KCNT2: variants seen among roughly 807,000 people sequenced by gnomAD.
The protein encoded by KCNT2 is potassium sodium-activated channel subfamily T member 2, also known as potassium channel subfamily T member 2.
In KCNT2, 67 loss-of-function variants were observed where a neutral mutation model predicts 153.8. The observed-to-expected ratio is 0.44, with a 90% CI of 0.36 to 0.53. The LOEUF (loss-of-function observed/expected upper bound fraction) is 0.53, where lower values mean the gene tolerates loss of function less well. Among genes scored for constraint, KCNT2 ranks in the 20% least tolerant of loss-of-function variants. The probability of loss-of-function intolerance (pLI) is 0.00; values close to 1 mark genes in which losing one functional copy is unlikely to be tolerated. For missense variants in KCNT2, 975 were observed against 1,354.8 expected (o/e 0.72, Z 4.40); for synonymous variants, 500 against 458.8 (o/e 1.09, Z -1.15).
chr1:196,344,070 G>C (rs1186628546), intron 14 of KCNT2, among the ~76,000 whole-genome samples: 1 of 152,122 alleles, frequency 6.6e-6, no homozygotes, highest in South Asian at 2.1e-4. Flanking sequence ...GTGAGCCACC[G>C]CCCCTGGCCA....
At chr1:196,400,133 T>A (rs1470174231) in intron 12 of KCNT2, among the ~76,000 whole-genome samples, 1 of 151,762 alleles carries the variant, frequency 6.6e-6, no homozygotes, top group Non-Finnish European at 1.5e-5. Context: ...ATGAGCCCAA[T>A]AATTCTACTA....
chr1:196,498,125 G>A (rs1172441913), intron 1 of KCNT2, among the ~76,000 whole-genome samples: 3 of 151,802 alleles, frequency 2.0e-5, no homozygotes, highest in East Asian at 1.9e-4. Flanking sequence ...TGAGTTCAAT[G>A]TAAAATTTAC....
At chr1:196,297,928 C>A (rs1282610599) in intron 22 of KCNT2, among the ~76,000 whole-genome samples, 2 of 152,114 alleles carry the variant, frequency 1.3e-5, no homozygotes, top group Non-Finnish European at 2.9e-5. Context: ...TTCAGCAAGG[C>A]ATTTGGCTCG....
intron 1 of KCNT2, among the ~76,000 whole-genome samples, chr1:196,607,081 T>C (rs1665400026): frequency 6.6e-6 from 1 of 152,126 alleles, no homozygotes. Context: ...TAATTGATGC[T>C]CAAGATAAAA....
At chr1:196,505,516 G>A (rs9730088) in intron 1 of KCNT2, among the ~76,000 whole-genome samples, 138,728 of 144,100 alleles carry the variant, frequency 0.96, 66,969 homozygotes, top group East Asian at 1. Flanking sequence ...GTCAGGTAGT[G>A]TGATGCCTCC....
intron 12 of KCNT2, among the ~76,000 whole-genome samples, chr1:196,422,802 T>C (rs1345535715): frequency 3.3e-5 from 5 of 151,966 alleles, no homozygotes; most frequent in Non-Finnish European, 7.4e-5. Flanking sequence ...CAGTTCTGTT[T>C]ATATATGATT....
In KCNT2 at chr1:196,608,258, G is replaced by T; in HGVS notation, c.52C>A (p.Arg18=). The change falls in exon 1 of 28, where the codon CGA becomes AGA. Residue 18 remains arginine (R), a synonymous_variant. Coordinates refer to ENST00000294725, the MANE Select transcript of KCNT2 (RefSeq NM_198503.5). ...CCTTGGTCCCCTAGCAGCAAATCTC[G>T]AAACCTGTACCTGGGAGGCAGAGGG... ...VPPLPPRYRF[R]DLLLGDQGWQ... 1 of 1,614,078 alleles carries T rather than the reference G, an allele frequency of 6.2e-7. No individual in the cohort carries two copies. The highest frequency in any genetic ancestry group is 8.5e-7 in the Non-Finnish European group (1 of 1,180,008).
At chr1:196,501,094 CCA>C (rs1680662230) in intron 1 of KCNT2, among the ~76,000 whole-genome samples, 1 of 152,140 alleles carries the variant, frequency 6.6e-6, no homozygotes. Context: ...CACTTATACA[CCA>C]CTGGGAGGAA....
chr1:196,403,581 G>C (rs528029188), intron 12 of KCNT2, among the ~76,000 whole-genome samples: 1 of 151,402 alleles, frequency 6.6e-6, no homozygotes, highest in Admixed American at 6.6e-5. Context: ...ATCAATATTG[G>C]TTCATCAGTT....
chr1:196,512,753 C>CTT (rs1681736708), intron 1 of KCNT2, among the ~76,000 whole-genome samples: 1 of 152,056 alleles, frequency 6.6e-6, no homozygotes, highest in South Asian at 2.1e-4. Context: ...CAAAACAAAA[C>CTT]TTTAAGTAAA....
At chr1:196,483,548 G>C (rs140886658) in intron 3 of KCNT2, among the ~76,000 whole-genome samples, 1,724 of 152,240 alleles carry the variant, frequency 0.011, 28 homozygotes, top group South Asian at 0.071. Context: ...GGCATTCTTA[G>C]ACTTATTCAA....
At position 196,285,690 on chromosome 1, in the gene KCNT2, A is replaced by G. The variant is rs772866787; in HGVS notation, c.2664T>C (p.Phe888=). ...FRLPFAAGRV[F]SISMLDTLLY... Reference sequence around the variant, plus strand: ...GCAGAGTGTCCAACATACTGATGCTAAACACCCTCCCAGCAGCAAAAGGCA... The same window carrying G: ...GCAGAGTGTCCAACATACTGATGCTGAACACCCTCCCAGCAGCAAAAGGCA... Residue 888 remains phenylalanine (F), a synonymous_variant, in exon 23 of 28, where the codon TTT becomes TTC. Transcript: ENST00000294725. The G allele has an allele frequency of 6.2e-6, 10 of 1,612,318 alleles. No homozygotes were observed. The highest frequency in any genetic ancestry group is 6.8e-6 in the Non-Finnish European group (8 of 1,178,410).
At chr1:196,584,973 A>G (rs1222580761) in intron 1 of KCNT2, among the ~76,000 whole-genome samples, 2 of 152,058 alleles carry the variant, frequency 1.3e-5, no homozygotes, top group Non-Finnish European at 2.9e-5. Flanking sequence ...GGTCCCATGA[A>G]AAAGAGTCAG....
intron 1 of KCNT2, among the ~76,000 whole-genome samples, chr1:196,530,309 C>G (rs1332380991): frequency 6.6e-6 from 1 of 151,770 alleles, no homozygotes; most frequent in Non-Finnish European, 1.5e-5. Flanking sequence ...AAGTCTTAAT[C>G]ATGAGAGACC....
rs113743251 is a variant in KCNT2 at position 196,465,319 on chromosome 1, A to C, written c.612T>G (p.Ser204=). 1.3e-6 allele frequency: 2 copies of C among 1,591,528 alleles called. No individual in the cohort carries two copies. Among genetic ancestry groups the C allele is most frequent in the Non-Finnish European group, 1.7e-6 (2 of 1,160,102 alleles). ...AGGTGAAGATAAGGCATAGTAATGT[A>C]GATATTAAAATCAAAACTTGATTAA... ...AMFNQVLILI[S]TLLCLIFTCI... The change falls in exon 8 of 28, where the codon TCT becomes TCG. Residue 204 remains serine, a synonymous_variant. Transcript: ENST00000294725.
intron 12 of KCNT2, among the ~76,000 whole-genome samples, chr1:196,419,849 T>C (rs1369779001): frequency 1.3e-5 from 2 of 152,034 alleles, no homozygotes; most frequent in Non-Finnish European, 2.9e-5. Context: ...GCTTCTTCTT[T>C]TGTTTCCTTC....
intron 1 of KCNT2, among the ~76,000 whole-genome samples, chr1:196,582,710 A>G (rs1341789085): frequency 6.6e-6 from 1 of 152,092 alleles, no homozygotes; most frequent in Non-Finnish European, 1.5e-5. Context: ...CCTTTGAATT[A>G]TTCTCTCACC....
Position 196,331,226 on chromosome 1 carries a change from A to G in KCNT2, c.2033T>C (p.Ile678Thr), listed in dbSNP as rs2148101673. The change falls in exon 18 of 28, where the codon ATA becomes ACA. Residue 678 changes from isoleucine (I) to threonine (T), a missense_variant. Physicochemically the swap from Ile to Thr is moderately conservative, Grantham distance 89. Transcript: ENST00000294725. ...ATGACAAAAAGTGGGTGAACTTCCT[A>G]TATATGGAGAATAAGGTGGGTAACC... ...AKGYPPYSPY[I>T]GSSPTFCHLL... 1 of 1,606,148 alleles carries G rather than the reference A, an allele frequency of 6.2e-7. No individual in the cohort carries two copies. The highest frequency in any genetic ancestry group is 8.5e-7 in the Non-Finnish European group (1 of 1,173,054).
At chr1:196,586,950 A>C (rs1412952128) in intron 1 of KCNT2, among the ~76,000 whole-genome samples, 1 of 152,086 alleles carries the variant, frequency 6.6e-6, no homozygotes, top group Non-Finnish European at 1.5e-5. Flanking sequence ...TTGACTCTCT[A>C]AAACTCAATT....
Sources: gnomAD v4.1 joint callset for allele counts (sites outside exome capture counted in the v4.1 genomes callset) on GRCh38, gnomAD v4.1.1 for gene constraint, MANE v1.5 for transcripts, NCBI Gene and HGNC (gene_info 2026-07-23, HGNC 2026-07-21) for gene names.